The following ERC2 variants were observed in gnomAD, a reference collection of about 807,000 sequenced individuals.
ERC2 encodes the protein ELKS/RAB6-interacting/CAST family member 2.
In ERC2, 42 loss-of-function variants were observed where a neutral mutation model predicts 114.8. That is an observed-to-expected ratio of 0.37 (90% CI 0.29 to 0.47). The LOEUF (loss-of-function observed/expected upper bound fraction) is 0.47. Ranked by LOEUF, ERC2 falls within the 20% of genes least tolerant of loss-of-function variation. The probability of loss-of-function intolerance (pLI) is 0.99; values close to 1 mark genes in which losing one functional copy is unlikely to be tolerated. For synonymous variants in ERC2, 454 were observed against 425.5 expected, an observed-to-expected ratio of 1.07 and a Z score of -0.82; for missense variants, 939 against 1,150.7, an observed-to-expected ratio of 0.82 and a Z score of 2.66.
chr3:56,442,082 CTCTT>C (rs2062340454), intron 1 of ERC2, among the ~76,000 whole-genome samples: 2 of 152,130 alleles, frequency 1.3e-5, no homozygotes, highest in South Asian at 4.2e-4. Context: ...ACTCTTGACT[CTCTT>C]TCCTTCACAG....
chr3:56,137,972 T>C (rs1323633654), intron 6 of ERC2, among the ~76,000 whole-genome samples: 2 of 151,984 alleles, frequency 1.3e-5, no homozygotes, highest in Non-Finnish European at 2.9e-5. Flanking sequence ...ATAGTATAGA[T>C]TAAATGTTTG....
intron 17 of ERC2, among the ~76,000 whole-genome samples, chr3:55,661,798 C>A (rs931969288): frequency 4.6e-5 from 7 of 151,832 alleles, no homozygotes; most frequent in Non-Finnish European, 2.9e-5. Context: ...GTGGAGTTGG[C>A]TTAGCTGAGA....
intron 17 of ERC2, among the ~76,000 whole-genome samples, chr3:55,627,445 G>A (rs1487932843): frequency 6.6e-6 from 1 of 151,842 alleles, no homozygotes; most frequent in African/African-American, 2.4e-5. Flanking sequence ...TAGCCTGGGC[G>A]ACAGAGCGAG....
At chr3:55,870,739 C>T (rs990567180) in intron 14 of ERC2, among the ~76,000 whole-genome samples, 3 of 152,190 alleles carry the variant, frequency 2.0e-5, no homozygotes, top group Non-Finnish European at 2.9e-5. Context: ...GGAACACCAA[C>T]GGATGAGATT....
chr3:55,865,929 T>G (rs34816632), intron 14 of ERC2, among the ~76,000 whole-genome samples: 5 of 152,218 alleles, frequency 3.3e-5, no homozygotes, highest in Admixed American at 3.3e-4. Flanking sequence ...ATGTACAAGT[T>G]TCTGTGTGAC....
chr3:56,067,272 T>A (rs2076526633), intron 7 of ERC2, among the ~76,000 whole-genome samples: 1 of 152,170 alleles, frequency 6.6e-6, no homozygotes, highest in Non-Finnish European at 1.5e-5. Flanking sequence ...GTCCTTCACA[T>A]CCCTTGTTAG....
At chr3:56,456,568 C>G (rs1486781277) in intron 1 of ERC2, among the ~76,000 whole-genome samples, 1 of 152,158 alleles carries the variant, frequency 6.6e-6, no homozygotes, top group Non-Finnish European at 1.5e-5. Context: ...ACATACATAG[C>G]CTTTAACTTC....
chr3:56,319,151 G>C (rs1218020489), intron 2 of ERC2, among the ~76,000 whole-genome samples: 1 of 151,948 alleles, frequency 6.6e-6, no homozygotes, highest in African/African-American at 2.4e-5. Context: ...TTATCCAAAA[G>C]AATTGAAATC....
At chr3:56,464,775 A>T (rs1340627632) in intron 1 of ERC2, among the ~76,000 whole-genome samples, 1 of 152,180 alleles carries the variant, frequency 6.6e-6, no homozygotes, top group Non-Finnish European at 1.5e-5. Context: ...ACAATAAAAT[A>T]TAAAGGAATA....
intron 3 of ERC2, among the ~76,000 whole-genome samples, chr3:56,212,814 T>C (rs868087776): frequency 4.2e-5 from 6 of 141,972 alleles, no homozygotes; most frequent in Admixed American, 1.4e-4. Flanking sequence ...CACACACACA[T>C]GCACATGCAC....
intron 4 of ERC2, among the ~76,000 whole-genome samples, chr3:56,171,209 A>G (rs1377328101): frequency 1.3e-5 from 2 of 152,216 alleles, no homozygotes; most frequent in East Asian, 3.9e-4. Context: ...AAGCCTGTAC[A>G]ATATGAGCTT....
At chr3:56,249,515 AC>A (rs1285361881) in intron 3 of ERC2, among the ~76,000 whole-genome samples, 1 of 151,822 alleles carries the variant, frequency 6.6e-6, no homozygotes, top group Non-Finnish European at 1.5e-5. Flanking sequence ...TTTAGTAGAG[AC>A]GGGGTTTCAC....
intron 14 of ERC2, among the ~76,000 whole-genome samples, chr3:55,803,228 C>T (rs1424696272): frequency 6.6e-6 from 1 of 152,070 alleles, no homozygotes; most frequent in Non-Finnish European, 1.5e-5. Context: ...ATTGCTTTTT[C>T]AATTGCAATT....
At chr3:55,745,364 A>G (rs1254195446) in intron 14 of ERC2, among the ~76,000 whole-genome samples, 4 of 152,262 alleles carry the variant, frequency 2.6e-5, no homozygotes, top group African/African-American at 9.6e-5. Flanking sequence ...TTAAAAAGTC[A>G]AAGTCAAGTG....
chr3:55,833,836 C>G lies in ERC2; in HGVS notation c.2564+54553G>C, dbSNP rs545152738. On this transcript the variant is annotated intron_variant, in intron 14 of 17. Transcript: ENST00000288221. The stretch of plus-strand genomic sequence containing the variant: ...TGGCAAACTGGATAAAGAGTCAAGA[C>G]CCATCTGTCTGCTGTATTCAGGAAA... Among the ~76,000 whole-genome samples the G allele has an allele frequency of 1.2e-3, 176 of 152,212 alleles. 1 individual carries two copies. The highest frequency in any genetic ancestry group is 4.1e-3 in the African/African-American group (171 of 41,498).
At chr3:55,867,047 T>C (rs954705611) in intron 14 of ERC2, among the ~76,000 whole-genome samples, 6 of 152,076 alleles carry the variant, frequency 3.9e-5, no homozygotes, top group Non-Finnish European at 4.4e-5. Context: ...TTATGTTTTG[T>C]TTTGTTTTGT....
intron 15 of ERC2, among the ~76,000 whole-genome samples, chr3:55,724,124 G>A (rs1330018944): frequency 1.3e-5 from 2 of 152,194 alleles, no homozygotes; most frequent in Non-Finnish European, 2.9e-5. Context: ...AAGGCTGCAG[G>A]AGGTAAGTGC....
chr3:55,898,167 A>G (rs1160802726), intron 13 of ERC2, among the ~76,000 whole-genome samples: 3 of 152,224 alleles, frequency 2.0e-5, no homozygotes, highest in African/African-American at 7.2e-5. Context: ...GTGTCAGAGT[A>G]CAAATGAATG....
At chr3:55,667,773 C>T (rs2061410710) in intron 17 of ERC2, among the ~76,000 whole-genome samples, 1 of 152,206 alleles carries the variant, frequency 6.6e-6, no homozygotes, top group Non-Finnish European at 1.5e-5. Context: ...GAAAACTGGA[C>T]CCTAGAGAGT....
Sources: gnomAD v4.1 joint callset for allele counts (sites outside exome capture counted in the v4.1 genomes callset) on GRCh38, gnomAD v4.1.1 for gene constraint, MANE v1.5 for transcripts, NCBI Gene and HGNC (gene_info 2026-07-23, HGNC 2026-07-21) for gene names.